The following PHF2 variants were observed in gnomAD, a reference collection of about 807,000 sequenced individuals.
PHF2 encodes the protein lysine-specific demethylase PHF2.
In PHF2, 27 loss-of-function variants were observed where a neutral mutation model predicts 120.5. The observed-to-expected ratio is 0.22, with a 90% confidence interval of 0.17 to 0.31. PHF2 has a LOEUF of 0.31. Among genes scored for constraint, PHF2 ranks in the 10% least tolerant of loss-of-function variants. The pLI, the probability that PHF2 is intolerant of heterozygous loss-of-function variation, is 1.00. For missense variants in PHF2, 1,024 were observed against 1,434.8 expected, an observed-to-expected ratio of 0.71 and a Z score of 4.63; for synonymous variants, 568 against 592.5, an observed-to-expected ratio of 0.96 and a Z score of 0.60.
At chr9:93,668,115 C>T (rs960539785) in intron 17 of PHF2, among the ~76,000 whole-genome samples, 1 of 152,216 alleles carries the variant, frequency 6.6e-6, no homozygotes, top group Non-Finnish European at 1.5e-5. Flanking sequence ...TACTTTCTTT[C>T]ATATATTACT....
intron 9 of PHF2, 78 bp from the exon 10 acceptor site, chr9:93,658,067 G>T: frequency 1.1e-6 from 1 of 938,436 alleles, no homozygotes; most frequent in Non-Finnish European, 1.7e-6. Context: ...GCATCCCCCG[G>T]TCTGGCTATG....
At chr9:93,641,244 T>C (rs139986056) in intron 3 of PHF2, among the ~76,000 whole-genome samples, 2,367 of 152,318 alleles carry the variant, frequency 0.016, 33 homozygotes, top group Non-Finnish European at 0.021. Flanking sequence ...ACTTTTGTTA[T>C]GGAGAACAAC....
chr9:93,676,692 C>A lies in PHF2; in HGVS notation c.2931C>A (p.Thr977=). Residue 977 remains threonine (T), a synonymous_variant, in exon 21 of 22, where the codon ACC becomes ACA. Coordinates refer to ENST00000359246, the MANE Select transcript of PHF2 (RefSeq NM_005392.4). ...CCACCTCCATCTCTGCCGGCACCAC[C>A]TCCACCTCCACCACGCCAGCCTCTA... ...STSTSISAGT[T]STSTTPASTT... 1 of 1,405,286 alleles carries A rather than the reference C, an allele frequency of 7.1e-7. No individual in the cohort carries two copies. The highest frequency in any genetic ancestry group is 9.9e-7 in the Non-Finnish European group (1 of 1,011,878). 87.1% of individuals were successfully genotyped at this position (1,405,286 alleles called of 1,614,324 possible).
intron 1 of PHF2, among the ~76,000 whole-genome samples, chr9:93,614,979 AATGGTGATGATGATG>A (rs1210685311): frequency 1.4e-5 from 2 of 143,886 alleles, no homozygotes; most frequent in Non-Finnish European, 1.5e-5. Context: ...TGATGACGGT[AATGGTGATGATGATG>A]ATGGTGATGA....
In PHF2 at chr9:93,677,584, C is replaced by G. The variant is rs758776862; in HGVS notation, c.3203-4C>G. ...TTTTTGTGTCCCCTCCCCGACTCCCCTAGGAAAACGTACGAAAAAGGGCAT... is the reference window on the plus strand; with the variant it reads ...TTTTTGTGTCCCCTCCCCGACTCCCGTAGGAAAACGTACGAAAAAGGGCAT... On this transcript the variant is annotated splice_region_variant and splice_polypyrimidine_tract_variant and intron_variant, in intron 21 of 21. Transcript: ENST00000359246. The surrounding 1 kb of genome is among the most constrained non-coding windows in gnomAD (Gnocchi z 4.4). 1.9e-6 allele frequency: 3 copies of G among 1,613,318 alleles called. No individual in the cohort carries two copies. The highest frequency in any genetic ancestry group is 1.7e-5 in the Admixed American group (1 of 59,946).
Position 93,679,259 on chromosome 9 carries a change from C to G in PHF2, c.*1583C>G, listed in dbSNP as rs1445128577. ...CCCACTTGTCCTGTTTGGAGGGACGCAGTCCCTAGGGCCCGAGACTGGGTG... is the reference window on the plus strand; with the variant it reads ...CCCACTTGTCCTGTTTGGAGGGACGGAGTCCCTAGGGCCCGAGACTGGGTG... On this transcript the variant is annotated 3_prime_UTR_variant, in exon 22 of 22. Transcript: ENST00000359246. 4.4e-6 allele frequency: 2 copies of G among 455,906 alleles called. No homozygotes were observed. The highest frequency in any genetic ancestry group is 8.8e-6 in the Non-Finnish European group (2 of 226,948). The allele number at this position is 455,906 out of a possible 1,614,324, so 28.2% of individuals were successfully genotyped here.
At chr9:93,616,896 T>G (rs1001943881) in intron 1 of PHF2, among the ~76,000 whole-genome samples, 1 of 152,152 alleles carries the variant, frequency 6.6e-6, no homozygotes, top group Non-Finnish European at 1.5e-5. Context: ...CCTCAGGTGA[T>G]CCACCCACCT....
chr9:93,640,278 T>C (rs1223724988), intron 3 of PHF2, among the ~76,000 whole-genome samples: 1 of 152,198 alleles, frequency 6.6e-6, no homozygotes, highest in Non-Finnish European at 1.5e-5. Flanking sequence ...AAATATTTAT[T>C]CTACTGCATT....
At chr9:93,622,712 G>T (rs7044896) in intron 1 of PHF2, among the ~76,000 whole-genome samples, 2,381 of 152,252 alleles carry the variant, frequency 0.016, 27 homozygotes, top group Non-Finnish European at 0.024. Flanking sequence ...CTCCAGCCTG[G>T]AGAGTGAATC....
intron 1 of PHF2, among the ~76,000 whole-genome samples, chr9:93,582,022 T>C (rs1185002448): frequency 2.6e-5 from 4 of 152,170 alleles, no homozygotes; most frequent in African/African-American, 9.7e-5. Context: ...GAAGCTAACA[T>C]TCAGTCGGGG....
intron 17 of PHF2, among the ~76,000 whole-genome samples, chr9:93,667,519 G>T (rs1056174276): frequency 6.6e-6 from 1 of 152,034 alleles, no homozygotes; most frequent in South Asian, 2.1e-4. Context: ...TTTTTTTCAC[G>T]TGGAAATCTT....
chr9:93,676,812 TAGC>T lies in PHF2; in HGVS notation c.3058_3060del (p.Ser1020del). On this transcript the variant is annotated inframe_deletion, in exon 21 of 22. Coordinates refer to ENST00000359246, the MANE Select transcript of PHF2 (RefSeq NM_005392.4). ...CGCCAGAGCCCCCGCCTGAGTCGCA[TAGC>T]AGCAGCCTGGCGGACCATGAGTACA... 1 of 1,555,238 alleles carries T rather than the reference TAGC, an allele frequency of 6.4e-7. No individual in the cohort carries two copies. Among genetic ancestry groups the T allele is most frequent in the Non-Finnish European group, 8.7e-7 (1 of 1,149,132 alleles).
At position 93,663,505 on chromosome 9, in the gene PHF2, C is replaced by G. The variant is rs539436775; in HGVS notation, c.1819-12C>G. On this transcript the variant is annotated splice_polypyrimidine_tract_variant and intron_variant, in intron 13 of 21. Coordinates refer to ENST00000359246, the MANE Select transcript of PHF2 (RefSeq NM_005392.4). The stretch of plus-strand genomic sequence containing the variant: ...TGTGGGGCTCAGGGACGGCCCTGGT[C>G]TTGCTTTTCAGAACAGCAAACCTGA... 10 of 1,572,450 alleles carry G rather than the reference C, an allele frequency of 6.4e-6. No individual in the cohort carries two copies. In the African/African-American group the frequency reaches 9.5e-5, roughly 15 times the overall value.
At chr9:93,651,612 A>C (rs548148794) in intron 5 of PHF2, among the ~76,000 whole-genome samples, 2 of 152,148 alleles carry the variant, frequency 1.3e-5, no homozygotes, top group Non-Finnish European at 1.5e-5. Flanking sequence ...ACAGTGACCA[A>C]TGTACCCCCA....
intron 1 of PHF2, among the ~76,000 whole-genome samples, chr9:93,603,981 G>T (rs1200089368): frequency 6.6e-6 from 1 of 152,236 alleles, no homozygotes; most frequent in Admixed American, 6.5e-5. Context: ...GCAGCCTATT[G>T]CTGGAGTCAG....
At chr9:93,597,809 GT>G (rs1249021304) in intron 1 of PHF2, among the ~76,000 whole-genome samples, 4 of 152,144 alleles carry the variant, frequency 2.6e-5, no homozygotes, top group African/African-American at 9.7e-5. Flanking sequence ...TGAGAACAGT[GT>G]TGGGAAGTAT....
At chr9:93,654,871 A>C (rs937853596) in intron 7 of PHF2, among the ~76,000 whole-genome samples, 5 of 152,158 alleles carry the variant, frequency 3.3e-5, no homozygotes, top group Non-Finnish European at 7.4e-5. Context: ...CTGCGCAGCC[A>C]GTCACCCGCC....
At chr9:93,646,088 A>AT (rs1219880963) in intron 4 of PHF2, among the ~76,000 whole-genome samples, 2 of 152,186 alleles carry the variant, frequency 1.3e-5, no homozygotes, top group Admixed American at 1.3e-4. Context: ...TGGGTGCTAC[A>AT]TGACACTGCC....
At chr9:93,577,827 G>GGA (rs1170533162) in intron 1 of PHF2, among the ~76,000 whole-genome samples, 2 of 152,194 alleles carry the variant, frequency 1.3e-5, no homozygotes, top group African/African-American at 4.8e-5. Flanking sequence ...AGTAAATGGA[G>GGA]GAGGAGGAAG....
Sources: gnomAD v4.1 joint callset for allele counts (sites outside exome capture counted in the v4.1 genomes callset) on GRCh38, gnomAD v4.1.1 for gene constraint, Gnocchi (gnomAD v3.1) non-coding constraint, MANE v1.5 for transcripts, NCBI Gene and HGNC (gene_info 2026-07-23, HGNC 2026-07-21) for gene names.